RUNX2: variants seen among roughly 807,000 people sequenced by gnomAD.
The protein encoded by RUNX2 is RUNX family transcription factor 2.
RUNX2 carries 10 observed loss-of-function variants against 51.7 expected under a neutral mutation model. The ratio of observed to expected loss-of-function variants is 0.19; its 90% CI spans 0.12 to 0.33. The LOEUF (loss-of-function observed/expected upper bound fraction) is 0.33. RUNX2 is among the 10% of genes least tolerant of loss of function. The probability of loss-of-function intolerance (pLI) is 1.00; values close to 1 mark genes in which losing one functional copy is unlikely to be tolerated. For synonymous variants in RUNX2, 276 were observed against 273.6 expected, an observed-to-expected ratio of 1.01 and a Z score of -0.09; for missense variants, 562 against 691.3, an observed-to-expected ratio of 0.81 and a Z score of 2.10.
intron 6 of RUNX2, among the ~76,000 whole-genome samples, chr6:45,504,669 T>C (rs1800904688): frequency 6.6e-6 from 1 of 152,284 alleles, no homozygotes; most frequent in East Asian, 1.9e-4. Context: ...TGTGTATATG[T>C]ATAAGTGTGA....
intron 2 of RUNX2, among the ~76,000 whole-genome samples, chr6:45,397,331 G>A (rs1271514101): frequency 5.3e-5 from 8 of 151,732 alleles, no homozygotes; most frequent in African/African-American, 1.9e-4. Context: ...GGATGGTCTC[G>A]ATCTCGTGAC....
chr6:45,448,099 A>C (rs970186223), intron 5 of RUNX2, among the ~76,000 whole-genome samples: 4 of 152,150 alleles, frequency 2.6e-5, no homozygotes, highest in African/African-American at 9.7e-5. Flanking sequence ...AGCTCCTGTC[A>C]CTCTGGAGAA....
At chr6:45,354,916 T>C (rs1220759338) in intron 2 of RUNX2, among the ~76,000 whole-genome samples, 1 of 152,186 alleles carries the variant, frequency 6.6e-6, no homozygotes, top group East Asian at 1.9e-4. Context: ...TTGGTATTTT[T>C]TAATTTTTTG....
At chr6:45,492,136 C>T (rs1228593668) in intron 6 of RUNX2, 22 bp downstream of exon 6, 1 of 1,612,812 alleles carries the variant, frequency 6.2e-7, no homozygotes, top group Non-Finnish European at 8.5e-7. Context: ...TCATAGGTTT[C>T]ACTTGCATAG....
chr6:45,459,237 A>G (rs1582134086), intron 5 of RUNX2, among the ~76,000 whole-genome samples: 1 of 152,236 alleles, frequency 6.6e-6, no homozygotes, highest in Non-Finnish European at 1.5e-5. Flanking sequence ...CATTTTCAGT[A>G]TCAAAAACCG....
At chr6:45,377,630 C>G (rs1301172281) in intron 2 of RUNX2, 1 of 152,240 alleles carries the variant, frequency 6.6e-6, no homozygotes, top group African/African-American at 2.4e-5. Context: ...AAGACCCAGG[C>G]AGCCGCCCTC....
chr6:45,442,008 A>G (rs1798853674), intron 5 of RUNX2, among the ~76,000 whole-genome samples: 2 of 152,238 alleles, frequency 1.3e-5, no homozygotes, highest in Non-Finnish European at 2.9e-5. Flanking sequence ...TGGCAGTTGG[A>G]CTAACTTCAT....
At chr6:45,380,679 C>T (rs543564871) in intron 2 of RUNX2, among the ~76,000 whole-genome samples, 6 of 152,286 alleles carry the variant, frequency 3.9e-5, no homozygotes, top group African/African-American at 7.2e-5. Flanking sequence ...CCAATTCAAG[C>T]GATTCTTCTG....
chr6:45,463,370 G>A (rs1487910251), intron 5 of RUNX2, among the ~76,000 whole-genome samples: 2 of 152,196 alleles, frequency 1.3e-5, no homozygotes, highest in Admixed American at 6.5e-5. Context: ...TTAAAGTAAT[G>A]TTATAAGGTG....
chr6:45,427,117 T>A (rs571710537), intron 3 of RUNX2, among the ~76,000 whole-genome samples: 4 of 152,236 alleles, frequency 2.6e-5, no homozygotes, highest in Middle Eastern at 3.4e-3. Context: ...GTTAAATATT[T>A]TGGGACTGAA....
rs549431838 is a variant in RUNX2, at chr6:45,518,288, C to A, written c.1021+5881C>A. Among the ~76,000 whole-genome samples the A allele has an allele frequency of 5.1e-4, 78 of 152,242 alleles. No homozygotes were observed. The South Asian group carries it at 7.3e-3, about 14-fold the overall frequency. ...TTTATGGACCCTAAACAAAGGCAAG[C>A]CCTGTGTCAAAAATTGAATGTTCCG... is the stretch of plus-strand genomic sequence containing the variant. On this transcript the variant is annotated intron_variant, in intron 7 of 8. Transcript: ENST00000647337.
At position 45,483,816 on chromosome 6, in the gene RUNX2, T is replaced by A. The variant is rs529229544; in HGVS notation, c.686-8125T>A. ...GGGTGTTCCAAGTGGAGGGGACAGC[T>A]TGAGCAAAGGCACAGGGTGTATTTG... On this transcript the variant is annotated intron_variant, in intron 5 of 8. Transcript: ENST00000647337. Among the ~76,000 whole-genome samples the A allele has an allele frequency of 2.6e-5, 4 of 152,268 alleles. No homozygotes were observed. The South Asian group carries it at 8.3e-4, about 32-fold the overall frequency.
intron 2 of RUNX2, among the ~76,000 whole-genome samples, chr6:45,405,683 A>C (rs1797819292): frequency 6.6e-6 from 1 of 152,080 alleles, no homozygotes; most frequent in African/African-American, 2.4e-5. Flanking sequence ...GCTACTTGGG[A>C]GGCTAAGGCA....
chr6:45,519,632 T>C (rs1396513807), intron 7 of RUNX2, among the ~76,000 whole-genome samples: 1 of 152,122 alleles, frequency 6.6e-6, no homozygotes, highest in East Asian at 1.9e-4. Flanking sequence ...TGTTATATAG[T>C]TGGAATCATA....
chr6:45,352,493 C>G (rs1001295805), intron 2 of RUNX2, among the ~76,000 whole-genome samples: 2 of 152,006 alleles, frequency 1.3e-5, no homozygotes, highest in African/African-American at 2.4e-5. Context: ...ATGACAGCAA[C>G]AAAATTACCA....
At chr6:45,490,876 T>C (rs1582167642) in intron 5 of RUNX2, among the ~76,000 whole-genome samples, 1 of 152,304 alleles carries the variant, frequency 6.6e-6, no homozygotes, top group Admixed American at 6.5e-5. Context: ...TGGCACAGAA[T>C]CTGGAGGAAG....
chr6:45,543,509 G>A (rs1234208323), intron 7 of RUNX2, among the ~76,000 whole-genome samples: 3 of 152,192 alleles, frequency 2.0e-5, no homozygotes, highest in Non-Finnish European at 4.4e-5. Flanking sequence ...AGCGTACCAG[G>A]CATATCACTG....
intron 2 of RUNX2, among the ~76,000 whole-genome samples, chr6:45,417,972 G>C (rs186760103): frequency 3.3e-5 from 5 of 152,254 alleles, no homozygotes; most frequent in Admixed American, 3.3e-4. Flanking sequence ...TTCTTCAAGG[G>C]CTGAGTAACC....
intron 2 of RUNX2, among the ~76,000 whole-genome samples, chr6:45,395,405 G>C (rs555690243): frequency 2.6e-5 from 4 of 152,246 alleles, no homozygotes; most frequent in Non-Finnish European, 5.9e-5. Context: ...CTCAAATCTG[G>C]TTCTTAAACC....
Sources: allele counts gnomAD v4.1 joint callset (sites outside exome capture counted in the v4.1 genomes callset), GRCh38; gene constraint gnomAD v4.1.1; transcripts MANE v1.5; gene names NCBI Gene and HGNC (gene_info 2026-07-23, HGNC 2026-07-21).